The following PRTG variants were observed in gnomAD, a reference collection of about 807,000 sequenced individuals.
The protein encoded by PRTG is immunoglobulin superfamily, DCC subclass, member 5.
A neutral mutation model predicts 122.5 loss-of-function variants in PRTG; 67 were observed. The ratio of observed to expected loss-of-function variants is 0.55; its 90% CI spans 0.45 to 0.67. PRTG has a LOEUF of 0.67. Ranked by LOEUF, PRTG falls within the 30% of genes least tolerant of loss-of-function variation. The probability of loss-of-function intolerance (pLI) is 0.00; values close to 1 mark genes in which losing one functional copy is unlikely to be tolerated. For missense variants in PRTG, 1,435 were observed against 1,415.4 expected, an observed-to-expected ratio of 1.01 and a Z score of -0.22; for synonymous variants, 554 against 501.1, an observed-to-expected ratio of 1.11 and a Z score of -1.41.
intron 2 of PRTG, among the ~76,000 whole-genome samples, chr15:55,737,631 C>A (rs1383555851): frequency 6.6e-6 from 1 of 152,132 alleles, no homozygotes; most frequent in Non-Finnish European, 1.5e-5. Flanking sequence ...CAAGGGTAAA[C>A]CTCATCCTGG....
At chr15:55,677,232 TCTA>T (rs1182364094) in intron 8 of PRTG, among the ~76,000 whole-genome samples, 1 of 152,184 alleles carries the variant, frequency 6.6e-6, no homozygotes, top group Non-Finnish European at 1.5e-5. Context: ...ACATTTGATT[TCTA>T]CTTTTATATG....
At chr15:55,628,775 A>G (rs1455119837) in intron 16 of PRTG, 47 bp downstream of exon 16, 1 of 1,468,508 alleles carries the variant, frequency 6.8e-7, no homozygotes, top group East Asian at 2.3e-5. Context: ...AAGGAAGAAC[A>G]CTTTTTTTCT....
At chr15:55,724,696 T>C (rs1298506749) in intron 2 of PRTG, among the ~76,000 whole-genome samples, 1 of 151,980 alleles carries the variant, frequency 6.6e-6, no homozygotes, top group Non-Finnish European at 1.5e-5. Flanking sequence ...AGGCAGAGGT[T>C]GCGGTGAGCC....
intron 2 of PRTG, among the ~76,000 whole-genome samples, chr15:55,733,159 A>G (rs2031294704): frequency 6.6e-6 from 1 of 152,098 alleles, no homozygotes; most frequent in Non-Finnish European, 1.5e-5. Flanking sequence ...CAGTGAGCCG[A>G]GATTGCGCCA....
chr15:55,662,890 C>T (rs768909767), intron 11 of PRTG, among the ~76,000 whole-genome samples: 1 of 152,240 alleles, frequency 6.6e-6, no homozygotes, highest in African/African-American at 2.4e-5. Flanking sequence ...TAACTTCCAA[C>T]TGCACAACAA....
chr15:55,742,776 A>G lies in PRTG; in HGVS notation c.94+62T>C. On this transcript the variant is annotated intron_variant, in intron 1 of 19. Coordinates refer to ENST00000389286, the MANE Select transcript of PRTG (RefSeq NM_173814.6). ...ACGCCCCATCGTTTCCTCTTTCCCC[A>G]TCCCACTCGCGCCCGCTCCCGCCCC... The G allele has an allele frequency of 2.6e-6, 4 of 1,531,132 alleles. No individual in the cohort carries two copies. The Admixed American group carries it at 5.9e-5, about 23-fold the overall frequency. 94.8% of individuals were successfully genotyped at this position (1,531,132 alleles called of 1,614,324 possible). A position where few individuals can be genotyped will look rare whatever the true frequency, so the allele number is the denominator to read the frequency against.
chr15:55,641,439 T>C (rs1006017451), intron 11 of PRTG, among the ~76,000 whole-genome samples: 9 of 152,344 alleles, frequency 5.9e-5, no homozygotes, highest in Non-Finnish European at 1.0e-4. Context: ...TTTCAAACAA[T>C]AATACTACCA....
intron 2 of PRTG, among the ~76,000 whole-genome samples, chr15:55,716,472 G>A (rs1209330205): frequency 6.6e-6 from 1 of 152,116 alleles, no homozygotes; most frequent in Admixed American, 6.6e-5. Flanking sequence ...TGTATGGGAG[G>A]GAAGAAGTCA....
intron 18 of PRTG, among the ~76,000 whole-genome samples, chr15:55,622,645 T>C (rs1309844615): frequency 2.0e-5 from 3 of 151,648 alleles, no homozygotes. Context: ...CCCGCCTTGG[T>C]CTCCCAAAGC....
At chr15:55,679,658 A>T (rs553456862) in intron 6 of PRTG, 3 of 486,402 alleles carry the variant, frequency 6.2e-6, no homozygotes, top group Non-Finnish European at 7.3e-6. Context: ...CAGAGCATCT[A>T]TATAGACACA....
chr15:55,684,032 G>C, intron 2 of PRTG, 101 bp from the exon 3 acceptor site: 1 of 994,980 alleles, frequency 1.0e-6, no homozygotes, highest in South Asian at 1.8e-5. Flanking sequence ...ACCCTTGCTT[G>C]GATATAAGAC....
intron 18 of PRTG, among the ~76,000 whole-genome samples, chr15:55,624,132 T>C (rs2059181354): frequency 6.6e-6 from 1 of 152,140 alleles, no homozygotes; most frequent in East Asian, 1.9e-4. Flanking sequence ...ATGCTATATA[T>C]TATGGCATCT....
At chr15:55,675,245 A>G (rs964646709) in intron 9 of PRTG, among the ~76,000 whole-genome samples, 112 of 152,254 alleles carry the variant, frequency 7.4e-4, no homozygotes, top group African/African-American at 2.5e-3. Flanking sequence ...TATTCAGTAC[A>G]AAAAAGTTTG....
intron 2 of PRTG, among the ~76,000 whole-genome samples, chr15:55,687,504 C>T (rs1212087127): frequency 6.6e-6 from 1 of 152,210 alleles, no homozygotes; most frequent in East Asian, 1.9e-4. Flanking sequence ...CTGGGCACCA[C>T]TGCCTTTTCT....
In PRTG at chr15:55,704,955, T is replaced by A. The variant is rs201727907; in HGVS notation, c.398-21024A>T. 9.2e-5 allele frequency among the ~76,000 whole-genome samples: 14 copies of A among 152,318 alleles called. No homozygotes were observed. In the East Asian group the frequency reaches 2.1e-3, roughly 23 times the overall value. ...ATGTCTTTTAATATTGTAACTTTTT[T>A]AAAATTAGGCTTGACAACACAGCCC... On this transcript the variant is annotated intron_variant, in intron 2 of 19. Transcript: ENST00000389286.
chr15:55,652,476 G>C (rs890655237), intron 11 of PRTG, among the ~76,000 whole-genome samples: 3 of 152,268 alleles, frequency 2.0e-5, no homozygotes, highest in African/African-American at 7.2e-5. Flanking sequence ...CAACTGGAGA[G>C]CTCCTTGGTC....
rs1947059077 is a variant in PRTG at position 55,613,009 on chromosome 15, T to A, written c.*7003A>T. ...AAAATCTTTCACAGCCTCATACAAA[T>A]GAGTTTCAGATTATGATTATTTACA... On this transcript the variant is annotated 3_prime_UTR_variant, in exon 20 of 20. Transcript: ENST00000389286. The A allele has an allele frequency of 6.6e-6, 1 of 151,994 alleles. No individual in the cohort carries two copies. 9.4% of individuals were successfully genotyped at this position (151,994 alleles called of 1,614,324 possible). A position where few individuals can be genotyped will look rare whatever the true frequency, so the allele number is the denominator to read the frequency against.
intron 2 of PRTG, among the ~76,000 whole-genome samples, chr15:55,701,483 G>A (rs1271605090): frequency 2.6e-5 from 4 of 152,056 alleles, no homozygotes; most frequent in Admixed American, 6.6e-5. Flanking sequence ...GCAGTGAGCC[G>A]AGATCACGCC....
At chr15:55,653,943 ATTT>A (rs1303729678) in intron 11 of PRTG, among the ~76,000 whole-genome samples, 1 of 152,180 alleles carries the variant, frequency 6.6e-6, no homozygotes, top group Admixed American at 6.5e-5. Context: ...TTTTAAAAAC[ATTT>A]TTTATTTTTT....
Sources: allele counts gnomAD v4.1 joint callset (sites outside exome capture counted in the v4.1 genomes callset), GRCh38; gene constraint gnomAD v4.1.1; transcripts MANE v1.5; gene names NCBI Gene and HGNC (gene_info 2026-07-23, HGNC 2026-07-21).